MGMT: variants seen among roughly 807,000 people sequenced by gnomAD.
MGMT encodes methylated-DNA--protein-cysteine methyltransferase.
A neutral mutation model predicts 15.9 loss-of-function variants in MGMT; 14 were observed. The ratio of observed to expected loss-of-function variants is 0.88; its 90% CI spans 0.58 to 1.37. The LOEUF (loss-of-function observed/expected upper bound fraction) is 1.37, where lower values mean the gene tolerates loss of function less well. Ranked by LOEUF, MGMT falls within the 40% of genes most tolerant of loss-of-function variation. The pLI, the probability that MGMT is intolerant of heterozygous loss-of-function variation, is 0.00. For synonymous variants in MGMT, 130 were observed against 118.2 expected (o/e 1.10, Z -0.65); for missense variants, 282 against 268.1 (o/e 1.05, Z -0.36).
At chr10:129,755,757 C>T (rs1269908618) in intron 3 of MGMT, among the ~76,000 whole-genome samples, 2 of 152,228 alleles carry the variant, frequency 1.3e-5, no homozygotes, top group Non-Finnish European at 2.9e-5. Context: ...CTGAGCCTGG[C>T]CGTGTGCAGT....
chr10:129,521,803 C>T lies in MGMT; in HGVS notation c.-12-14438C>T, dbSNP rs143880261. ...GGCTGCACCTTGCTGTCCAGGGGGC[C>T]GCAGCTGAGGCCTGTGCAGCCTCCC... On this transcript the variant is annotated intron_variant, in intron 1 of 4. Transcript: ENST00000651593. Among the ~76,000 whole-genome samples, 462 of 152,326 alleles carry T rather than the reference C, an allele frequency of 3.0e-3. 2 individuals carry two copies. The highest frequency in any genetic ancestry group is 0.011 in the African/African-American group (438 of 41,578).
intron 1 of MGMT, among the ~76,000 whole-genome samples, chr10:129,512,951 G>A (rs570296209): frequency 7.9e-5 from 12 of 152,230 alleles, no homozygotes; most frequent in Admixed American, 1.3e-4. Context: ...TTTGTACACT[G>A]GTGTTCATAG....
chr10:129,533,788 C>G lies in MGMT; in HGVS notation c.-12-2453C>G, dbSNP rs1027892480. Among the ~76,000 whole-genome samples the G allele has an allele frequency of 1.1e-4, 16 of 152,146 alleles. No individual in the cohort carries two copies. Among genetic ancestry groups the G allele is most frequent in the South Asian group, 2.1e-4 (1 of 4,812 alleles). Reference sequence around the variant, plus strand: ...GCATCCTGCCTGAGAAGCAGTGGCCCGGGATGGTGGGAGATGTCTGCAGGC... The same window carrying G: ...GCATCCTGCCTGAGAAGCAGTGGCCGGGGATGGTGGGAGATGTCTGCAGGC... On this transcript the variant is annotated intron_variant, in intron 1 of 4. Coordinates refer to ENST00000651593, the MANE Select transcript of MGMT (RefSeq NM_002412.5). This position sits in a 1 kb window ranked among gnomAD's most constrained non-coding sequence, Gnocchi z 4.5.
chr10:129,668,564 C>CAA (rs1448379364), intron 2 of MGMT, among the ~76,000 whole-genome samples: 6 of 152,210 alleles, frequency 3.9e-5, no homozygotes, highest in Non-Finnish European at 5.9e-5. Flanking sequence ...TGAAATGAGT[C>CAA]TGTTTCTCAG....
intron 1 of MGMT, 109 bp downstream of exon 1, chr10:129,467,405 G>A (rs555907125): frequency 2.2e-6 from 3 of 1,380,152 alleles, no homozygotes; most frequent in East Asian, 6.1e-5. Context: ...CGGGTGTGGG[G>A]CCGCCCTGAC....
chr10:129,647,783 T>C (rs1208779461), intron 2 of MGMT, among the ~76,000 whole-genome samples: 2 of 152,232 alleles, frequency 1.3e-5, no homozygotes, highest in Non-Finnish European at 2.9e-5. Context: ...TTATGGTTTT[T>C]GATTTGACAG....
intron 1 of MGMT, among the ~76,000 whole-genome samples, chr10:129,503,709 A>C (rs1423366885): frequency 6.6e-6 from 1 of 152,182 alleles, no homozygotes; most frequent in Non-Finnish European, 1.5e-5. Context: ...ATCACCTTTT[A>C]TTTAGCTGTT....
intron 2 of MGMT, among the ~76,000 whole-genome samples, chr10:129,561,424 C>G (rs1846277495): frequency 6.6e-6 from 1 of 152,178 alleles, no homozygotes; most frequent in South Asian, 2.1e-4. Context: ...GCTGCTGGTG[C>G]CTCTCTGTTC....
At chr10:129,664,575 C>T (rs979868407) in intron 2 of MGMT, among the ~76,000 whole-genome samples, 4 of 152,198 alleles carry the variant, frequency 2.6e-5, no homozygotes, top group African/African-American at 9.7e-5. Flanking sequence ...TCACAAAGAA[C>T]ACACCTAGTT....
chr10:129,475,715 G>T (rs1845285187), intron 1 of MGMT, among the ~76,000 whole-genome samples: 1 of 152,206 alleles, frequency 6.6e-6, no homozygotes, highest in African/African-American at 2.4e-5. Context: ...AGAGGCAGGC[G>T]ACGTGGGAAG....
At chr10:129,511,050 G>A (rs186194011) in intron 1 of MGMT, among the ~76,000 whole-genome samples, 1 of 148,812 alleles carries the variant, frequency 6.7e-6, no homozygotes, top group African/African-American at 2.5e-5. Context: ...ACCAGATGCA[G>A]CCTGGTGCTT....
chr10:129,704,370 A>T (rs1848134785), intron 2 of MGMT, among the ~76,000 whole-genome samples: 1 of 151,986 alleles, frequency 6.6e-6, no homozygotes, highest in African/African-American at 2.4e-5. Context: ...CCTCTTTGTG[A>T]CGGGACCGAC....
chr10:129,563,300 C>T (rs960795198), intron 2 of MGMT, among the ~76,000 whole-genome samples: 4 of 152,068 alleles, frequency 2.6e-5, no homozygotes, highest in South Asian at 2.1e-4. Flanking sequence ...GAGTTTCTAG[C>T]GTGCTCACTG....
Position 129,770,511 on chromosome 10 carries a change from T to C in MGMT, c.*3514T>C, listed in dbSNP as rs556116263. 1.2e-3 allele frequency among the ~76,000 whole-genome samples: 181 copies of C among 152,344 alleles called. No individual in the cohort carries two copies. The highest frequency in any genetic ancestry group is 2.1e-3 in the Non-Finnish European group (140 of 68,026). ...TCATCTGCCGCTTGCTCACCTTGGCTGTCCATGCACCCGTAGCTGTGACCA... is the reference window on the plus strand; with the variant it reads ...TCATCTGCCGCTTGCTCACCTTGGCCGTCCATGCACCCGTAGCTGTGACCA... On this transcript the variant is annotated 3_prime_UTR_variant, in exon 5 of 5. Transcript: ENST00000651593.
intron 1 of MGMT, among the ~76,000 whole-genome samples, chr10:129,500,183 A>G (rs1373740087): frequency 6.6e-6 from 1 of 152,236 alleles, no homozygotes; most frequent in African/African-American, 2.4e-5. Flanking sequence ...ATGTAGAGGA[A>G]TACCAGTGTT....
At chr10:129,689,468 G>A (rs1260484623) in intron 2 of MGMT, among the ~76,000 whole-genome samples, 1 of 152,082 alleles carries the variant, frequency 6.6e-6, no homozygotes, top group African/African-American at 2.4e-5. Context: ...TCTTGAACAT[G>A]GGGACAAAAA....
chr10:129,540,906 T>C (rs1846035993), intron 2 of MGMT, among the ~76,000 whole-genome samples: 1 of 152,240 alleles, frequency 6.6e-6, no homozygotes, highest in African/African-American at 2.4e-5. Flanking sequence ...CCATCTGTGC[T>C]CTGTGTGGCT....
At chr10:129,493,376 G>T (rs931275972) in intron 1 of MGMT, among the ~76,000 whole-genome samples, 1 of 152,094 alleles carries the variant, frequency 6.6e-6, no homozygotes, top group African/African-American at 2.4e-5. Context: ...GCTTCCTCCA[G>T]CCCTGGCTTA....
intron 2 of MGMT, among the ~76,000 whole-genome samples, chr10:129,621,745 C>G (rs1257275441): frequency 6.6e-6 from 1 of 152,192 alleles, no homozygotes; most frequent in African/African-American, 2.4e-5. Context: ...GTTGAACATC[C>G]TTGCCACCTT....
Sources: allele counts gnomAD v4.1 joint callset (sites outside exome capture counted in the v4.1 genomes callset), GRCh38; gene constraint gnomAD v4.1.1; non-coding constraint Gnocchi (gnomAD v3.1); transcripts MANE v1.5; gene names NCBI Gene and HGNC (gene_info 2026-07-23, HGNC 2026-07-21).